IL1RL2: variants seen among roughly 807,000 people sequenced by gnomAD.
The protein encoded by IL1RL2 is interleukin 1 receptor like 2, also known as interleukin-1 receptor-like 2.
A neutral mutation model predicts 66.8 loss-of-function variants in IL1RL2; 68 were observed. The ratio of observed to expected loss-of-function variants is 1.02; its 90% CI spans 0.84 to 1.25. The LOEUF is 1.25. Among genes scored for constraint, IL1RL2 ranks in the 50% most tolerant of loss-of-function variants. The pLI is 0.00. For missense variants in IL1RL2, 729 were observed against 709.3 expected, an observed-to-expected ratio of 1.03 and a Z score of -0.32; for synonymous variants, 305 against 264.6, an observed-to-expected ratio of 1.15 and a Z score of -1.48.
chr2:102,240,679 G>T (rs1274765073), downstream of IL1RL2, among the ~76,000 whole-genome samples: 1 of 152,104 alleles, frequency 6.6e-6, no homozygotes, highest in African/African-American at 2.4e-5. Context: ...TCAGGCTGCT[G>T]GTCCCCCTGT....
intron 5 of IL1RL2, among the ~76,000 whole-genome samples, chr2:102,205,008 TG>T (rs1334427596): frequency 1.3e-5 from 2 of 152,076 alleles, no homozygotes; most frequent in Non-Finnish European, 2.9e-5. Flanking sequence ...TTTATTTTTT[TG>T]TGACTCTATT....
chr2:102,205,503 A>G (rs890475846), intron 5 of IL1RL2, among the ~76,000 whole-genome samples: 1 of 152,114 alleles, frequency 6.6e-6, no homozygotes, highest in African/African-American at 2.4e-5. Flanking sequence ...TCATGTTTGA[A>G]GGTTATTTTT....
intron 4 of IL1RL2, among the ~76,000 whole-genome samples, chr2:102,194,757 AT>A (rs966867103): frequency 4.0e-5 from 6 of 151,140 alleles, no homozygotes; most frequent in South Asian, 4.2e-4. Context: ...GCTTGTGAAA[AT>A]TTTTTTTGAG....
At chr2:102,214,521 T>A (rs1420263728) in intron 6 of IL1RL2, among the ~76,000 whole-genome samples, 1 of 152,228 alleles carries the variant, frequency 6.6e-6, no homozygotes, top group Non-Finnish European at 1.5e-5. Flanking sequence ...TGCAGCATTT[T>A]ATCATTTTAT....
downstream of IL1RL2, among the ~76,000 whole-genome samples, chr2:102,240,939 A>G (rs1399453621): frequency 6.6e-6 from 1 of 152,270 alleles, no homozygotes; most frequent in Admixed American, 6.5e-5. Context: ...GACACAGGAC[A>G]AACAAGGTCA....
chr2:102,214,652 A>G (rs1689447680), intron 6 of IL1RL2, among the ~76,000 whole-genome samples: 2 of 152,214 alleles, frequency 1.3e-5, no homozygotes, highest in Admixed American at 6.5e-5. Flanking sequence ...TATAATACCA[A>G]TTAAATTACC....
chr2:102,204,028 A>C (rs1688492232), intron 5 of IL1RL2, among the ~76,000 whole-genome samples: 1 of 151,938 alleles, frequency 6.6e-6, no homozygotes, highest in Non-Finnish European at 1.5e-5. Context: ...TATAGCTATA[A>C]ACTTTTCTCT....
intron 4 of IL1RL2, among the ~76,000 whole-genome samples, chr2:102,200,117 CAAAA>C (rs35208716): frequency 2.1e-5 from 2 of 95,140 alleles, no homozygotes; most frequent in African/African-American, 4.0e-5. Context: ...CCTGTTCCAG[CAAAA>C]AAAAAAAAAA....
chr2:102,201,435 T>C (rs1490326712), intron 4 of IL1RL2, 121 bp from the exon 5 acceptor site: 1 of 815,370 alleles, frequency 1.2e-6, no homozygotes, highest in African/African-American at 1.7e-5. Context: ...CCTATTTTTC[T>C]ATTTACCTAG....
chr2:102,190,558 T>A (rs1379346006), intron 3 of IL1RL2, among the ~76,000 whole-genome samples: 1 of 152,236 alleles, frequency 6.6e-6, no homozygotes, highest in Non-Finnish European at 1.5e-5. Flanking sequence ...TGCTGCTAGA[T>A]TCCTCATTTC....
intron 5 of IL1RL2, among the ~76,000 whole-genome samples, chr2:102,208,050 T>G (rs1688848297): frequency 6.6e-6 from 1 of 152,174 alleles, no homozygotes. Context: ...ACAATTGTGG[T>G]GTCCTTTCTC....
intron 5 of IL1RL2, among the ~76,000 whole-genome samples, chr2:102,205,153 C>T (rs1578128099): frequency 6.6e-6 from 1 of 152,008 alleles, no homozygotes; most frequent in East Asian, 1.9e-4. Context: ...AATTTTACAC[C>T]TTAACTTTAT....
In IL1RL2 at chr2:102,235,836, C is replaced by T. The variant is rs528151025; in HGVS notation, c.1678+559C>T. ...CAAAGAGCTGCAAACACAGCCTTAGCACTTTGCTTCCAGAAGCAAGTTAAA... is the reference window on the plus strand; with the variant it reads ...CAAAGAGCTGCAAACACAGCCTTAGTACTTTGCTTCCAGAAGCAAGTTAAA... On this transcript the variant is annotated intron_variant, in intron 11 of 11. Coordinates refer to ENST00000264257, the MANE Select transcript of IL1RL2 (RefSeq NM_003854.4). 43 of 985,418 alleles carry T rather than the reference C, an allele frequency of 4.4e-5. No homozygotes were observed. The South Asian group carries it at 1.5e-3, about 33-fold the overall frequency. The allele number at this position is 985,418 out of a possible 1,614,324, so 61.0% of individuals were successfully genotyped here. A position where few individuals can be genotyped will look rare whatever the true frequency, so the allele number is the denominator to read the frequency against.
intron 6 of IL1RL2, among the ~76,000 whole-genome samples, chr2:102,217,759 T>C (rs1049942972): frequency 1.3e-5 from 2 of 152,146 alleles, no homozygotes; most frequent in Non-Finnish European, 2.9e-5. Flanking sequence ...ACCCCTATCT[T>C]TTAACATATT....
rs75238251 is a variant in IL1RL2 at position 102,187,267 on chromosome 2, G to C, written c.-13+181G>C. 6.5e-3 allele frequency: 7,701 copies of C among 1,180,640 alleles called. 396 individuals carry two copies. The East Asian group carries it at 0.2, about 30-fold the overall frequency. The allele number at this position is 1,180,640 out of a possible 1,614,324, so 73.1% of individuals were successfully genotyped here. On this transcript the variant is annotated intron_variant, in intron 1 of 11. Coordinates refer to ENST00000264257, the MANE Select transcript of IL1RL2 (RefSeq NM_003854.4). ...GGAGCCGACTCCGTCTCTGGGTCGAGGAGTGGAGCTCGCGGCTATTTTCAG... is the reference window on the plus strand; with the variant it reads ...GGAGCCGACTCCGTCTCTGGGTCGACGAGTGGAGCTCGCGGCTATTTTCAG...
At chr2:102,224,384 T>G (rs12472872) in intron 8 of IL1RL2, among the ~76,000 whole-genome samples, 67,010 of 152,048 alleles carry the variant, frequency 0.44, 15,310 homozygotes, top group East Asian at 0.61. Flanking sequence ...ATATTATTCA[T>G]CCATAAAAGA....
In IL1RL2 at chr2:102,218,416, A is replaced by G. The variant is rs567554530; in HGVS notation, c.725-537A>G. Among the ~76,000 whole-genome samples, 168 of 152,284 alleles carry G rather than the reference A, an allele frequency of 1.1e-3. 2 individuals carry two copies. The highest frequency in any genetic ancestry group is 1.9e-3 in the Non-Finnish European group (132 of 68,018). On this transcript the variant is annotated intron_variant, in intron 6 of 11. Transcript: ENST00000264257. ...AATGTGTGTAGAGGCAAGATAAGGG[A>G]AAGAGAGGGAAAGGGTGGGGGTTAC...
intron 10 of IL1RL2, among the ~76,000 whole-genome samples, chr2:102,234,525 G>A (rs1674670246): frequency 1.3e-5 from 2 of 152,202 alleles, no homozygotes; most frequent in African/African-American, 4.8e-5. Flanking sequence ...CAGGCAAGGT[G>A]GCTCACACCT....
chr2:102,193,288 A>G (rs1013715163), intron 4 of IL1RL2, among the ~76,000 whole-genome samples: 2 of 152,208 alleles, frequency 1.3e-5, no homozygotes, highest in Non-Finnish European at 2.9e-5. Context: ...TAAGATTACT[A>G]GCCCTAGAAT....
Sources: allele counts gnomAD v4.1 joint callset (sites outside exome capture counted in the v4.1 genomes callset), GRCh38; gene constraint gnomAD v4.1.1; transcripts MANE v1.5; gene names NCBI Gene and HGNC (gene_info 2026-07-23, HGNC 2026-07-21).